ZFHX3: variants seen among roughly 807,000 people sequenced by gnomAD.
The protein encoded by ZFHX3 is zinc finger homeobox protein 3.
A neutral mutation model predicts 279.1 loss-of-function variants in ZFHX3; 42 were observed. That is an observed-to-expected ratio of 0.15 (90% CI 0.12 to 0.19). ZFHX3 has a LOEUF of 0.19. ZFHX3 is among the 10% of genes least tolerant of loss of function. The pLI, the probability that ZFHX3 is intolerant of heterozygous loss-of-function variation, is 1.00. For missense variants in ZFHX3, 4,981 were observed against 4,754.0 expected (o/e 1.05, Z -1.40); for synonymous variants, 2,293 against 1,957.8 (o/e 1.17, Z -4.52).
intron 3 of ZFHX3, among the ~76,000 whole-genome samples, chr16:73,389,971 A>T (rs1286140081): frequency 1.3e-5 from 2 of 152,174 alleles, no homozygotes; most frequent in African/African-American, 4.8e-5. Flanking sequence ...AAGGCAGGAG[A>T]ATCACTTGAA....
intron 4 of ZFHX3, among the ~76,000 whole-genome samples, chr16:73,268,457 G>A (rs986180067): frequency 6.6e-6 from 1 of 152,194 alleles, no homozygotes; most frequent in Non-Finnish European, 1.5e-5. Context: ...CTGACATTTA[G>A]ACAAACTTGT....
At chr16:73,617,595 GTTTC>G (rs763950532) in intron 2 of ZFHX3, among the ~76,000 whole-genome samples, 5 of 152,100 alleles carry the variant, frequency 3.3e-5, no homozygotes, top group South Asian at 2.1e-4. Context: ...CCTAAAAATT[GTTTC>G]TTTATTAAAA....
chr16:72,983,227 C>A (rs1233241089), intron 1 of ZFHX3, among the ~76,000 whole-genome samples: 3 of 152,204 alleles, frequency 2.0e-5, no homozygotes, highest in Non-Finnish European at 4.4e-5. Context: ...CTTAGTCCAA[C>A]TGACTAAGCT....
Position 72,786,865 on chromosome 16 carries a change from A to C in ZFHX3, c.*299T>G, listed in dbSNP as rs909098851. On this transcript the variant is annotated 3_prime_UTR_variant, in exon 10 of 10. Coordinates refer to ENST00000268489, the MANE Select transcript of ZFHX3 (RefSeq NM_006885.4). ...GGTTTAAGCTCCAAAGACATTAGGGAGGCCCTGCGGACTTCTGTTTCCCAG... is the reference window on the plus strand; with the variant it reads ...GGTTTAAGCTCCAAAGACATTAGGGCGGCCCTGCGGACTTCTGTTTCCCAG... 5.6e-6 allele frequency: 1 copy of C among 177,486 alleles called. No homozygotes were observed. The highest frequency in any genetic ancestry group is 1.2e-5 in the Non-Finnish European group (1 of 85,804). 11.0% of individuals were successfully genotyped at this position (177,486 alleles called of 1,614,324 possible).
chr16:73,013,277 CTCTT>C (rs1163680725), intron 1 of ZFHX3, among the ~76,000 whole-genome samples: 1 of 152,080 alleles, frequency 6.6e-6, no homozygotes, highest in Non-Finnish European at 1.5e-5. Context: ...CATGTGAAAA[CTCTT>C]TATTTTTTTA....
At chr16:73,361,953 G>A (rs562408215) in intron 3 of ZFHX3, among the ~76,000 whole-genome samples, 148 of 152,248 alleles carry the variant, frequency 9.7e-4, no homozygotes, top group African/African-American at 3.3e-3. Flanking sequence ...CAGCCCATCC[G>A]TCTGCTCTCA....
intron 1 of ZFHX3, among the ~76,000 whole-genome samples, chr16:73,793,053 C>G (rs141396826): frequency 4.3e-4 from 66 of 152,292 alleles, no homozygotes; most frequent in African/African-American, 1.5e-3. Flanking sequence ...GGGATGCAGA[C>G]AGCAGACAGG....
At chr16:72,970,935 T>C (rs199715924) in intron 1 of ZFHX3, among the ~76,000 whole-genome samples, 2 of 152,230 alleles carry the variant, frequency 1.3e-5, no homozygotes, top group East Asian at 3.8e-4. Flanking sequence ...TGGGAGTTCA[T>C]TATTTTAAAA....
At chr16:73,271,650 A>G (rs1046774834) in intron 4 of ZFHX3, among the ~76,000 whole-genome samples, 2 of 152,244 alleles carry the variant, frequency 1.3e-5, no homozygotes, top group Non-Finnish European at 2.9e-5. Flanking sequence ...CTTTCAAATG[A>G]AGATGAAACG....
At chr16:73,472,465 C>G (rs1316261781) in intron 2 of ZFHX3, among the ~76,000 whole-genome samples, 1 of 152,108 alleles carries the variant, frequency 6.6e-6, no homozygotes, top group African/African-American at 2.4e-5. Flanking sequence ...AAAGCTCCAC[C>G]ACATTGGAAG....
chr16:72,991,217 A>G (rs1012139207), intron 1 of ZFHX3, among the ~76,000 whole-genome samples: 7 of 152,156 alleles, frequency 4.6e-5, no homozygotes, highest in African/African-American at 1.7e-4. Context: ...TAATTGTTCT[A>G]TTTTATTATT....
In ZFHX3 at chr16:73,082,369, G is replaced by C. The variant is rs572220943; in HGVS notation, c.-533+10866C>G. Among the ~76,000 whole-genome samples, 12 of 152,076 alleles carry C rather than the reference G, an allele frequency of 7.9e-5. No homozygotes were observed. In the East Asian group the frequency reaches 2.3e-3, roughly 30 times the overall value. On this transcript the variant is annotated intron_variant, in intron 8 of 17. Coordinates refer to the ZFHX3 transcript ENST00000641206. The stretch of plus-strand genomic sequence containing the variant: ...TGCAAGCTCCGCCTCCTGGGTTCAC[G>C]CCATTCTTCTGCCTCAGCCTCCCGA...
chr16:72,996,473 T>C (rs1354206116), intron 1 of ZFHX3, among the ~76,000 whole-genome samples: 2 of 152,186 alleles, frequency 1.3e-5, no homozygotes, highest in Non-Finnish European at 2.9e-5. Flanking sequence ...AAGCTGGTCC[T>C]CAATAAAGGG....
At chr16:73,772,959 AT>A (rs2142294323) in intron 1 of ZFHX3, among the ~76,000 whole-genome samples, 2 of 152,314 alleles carry the variant, frequency 1.3e-5, no homozygotes, top group East Asian at 3.9e-4. Context: ...ACTCAGAAGC[AT>A]TTGTTTTTGG....
At chr16:73,386,751 C>G (rs1317426958) in intron 3 of ZFHX3, 1 of 147,870 alleles carries the variant, frequency 6.8e-6, no homozygotes, top group African/African-American at 2.5e-5. Context: ...TATGTGGAAG[C>G]AAAAAAAAAA....
At chr16:73,601,469 C>CAAA (rs67967322) in intron 2 of ZFHX3, among the ~76,000 whole-genome samples, 2,842 of 131,620 alleles carry the variant, frequency 0.022, 52 homozygotes, top group East Asian at 0.029. Flanking sequence ...GACTCCATCT[C>CAAA]AAAAAAAAAA....
intron 2 of ZFHX3, among the ~76,000 whole-genome samples, chr16:73,632,662 G>A (rs532511786): frequency 1.3e-5 from 2 of 148,232 alleles, no homozygotes; most frequent in East Asian, 3.9e-4. Context: ...CTCCAGCCTG[G>A]CAACAGCGCA....
chr16:73,561,392 A>G (rs998202682), intron 2 of ZFHX3, among the ~76,000 whole-genome samples: 5 of 152,246 alleles, frequency 3.3e-5, no homozygotes, highest in Non-Finnish European at 7.3e-5. Flanking sequence ...TCCAAAAATG[A>G]AAGAACCATT....
chr16:73,508,469 G>A (rs2019365987), intron 2 of ZFHX3, among the ~76,000 whole-genome samples: 1 of 152,302 alleles, frequency 6.6e-6, no homozygotes, highest in South Asian at 2.1e-4. Context: ...GCCAGTGAAA[G>A]GATATTATGC....
Sources: gnomAD v4.1 joint callset for allele counts (sites outside exome capture counted in the v4.1 genomes callset) on GRCh38, gnomAD v4.1.1 for gene constraint, MANE v1.5 for transcripts, NCBI Gene and HGNC (gene_info 2026-07-23, HGNC 2026-07-21) for gene names.